SLC6A3: variants seen among roughly 807,000 people sequenced by gnomAD.
The protein encoded by SLC6A3 is solute carrier family 6 member 3.
Under a neutral mutation model 70.4 loss-of-function variants are expected in SLC6A3, and 19 were observed. The ratio of observed to expected loss-of-function variants is 0.27; its 90% CI spans 0.19 to 0.40. The LOEUF is 0.40. SLC6A3 is among the 10% of genes least tolerant of loss of function. The pLI is 1.00. For missense variants in SLC6A3, 613 were observed against 838.5 expected (o/e 0.73, Z 3.32); for synonymous variants, 368 against 356.6 (o/e 1.03, Z -0.36).
rs560096472 is a variant in SLC6A3, at chr5:1,444,250, C to T, written c.-45-1008G>A. ...TCCTGTCCAAACGGCTACATAAACC[C>T]CCCTGCAACGCTGAGCAGGAGAGCA... On this transcript the variant is annotated intron_variant, in intron 1 of 14. Coordinates refer to ENST00000270349, the MANE Select transcript of SLC6A3 (RefSeq NM_001044.5). Among the ~76,000 whole-genome samples, 313 of 152,268 alleles carry T rather than the reference C, an allele frequency of 2.1e-3. 2 individuals are homozygous for T. The highest frequency in any genetic ancestry group is 7.1e-3 in the African/African-American group (293 of 41,540).
At position 1,394,721 on chromosome 5, in the gene SLC6A3, C is replaced by T. The variant is rs777264160; in HGVS notation, c.*14G>A. ...TTGCAGGATGACTTCCTGGGGTCTTCGTCTCTGCTCCCTCTACACCTTGAG... is the reference window on the plus strand; with the variant it reads ...TTGCAGGATGACTTCCTGGGGTCTTTGTCTCTGCTCCCTCTACACCTTGAG... On this transcript the variant is annotated 3_prime_UTR_variant, in exon 15 of 15. Transcript: ENST00000270349. This position sits in a 1 kb window ranked among gnomAD's most constrained non-coding sequence, Gnocchi z 4.7. 19 of 1,613,738 alleles carry T rather than the reference C, an allele frequency of 1.2e-5. No individual in the cohort carries two copies. Among genetic ancestry groups the T allele is most frequent in the East Asian group, 6.7e-5 (3 of 44,874 alleles).
Position 1,408,356 on chromosome 5 carries a change from G to A in SLC6A3, c.1498+670C>T, listed in dbSNP as rs1275744940. Among the ~76,000 whole-genome samples, 1 of 152,102 alleles carries A rather than the reference G, an allele frequency of 6.6e-6. No homozygotes were observed. Among genetic ancestry groups the A allele is most frequent in the East Asian group, 1.9e-4 (1 of 5,184 alleles). ...CGCGCCCGGACCACACATTCATGGC[G>A]AGATGCCCTGGCTCGGCCTCGCCAC... On this transcript the variant is annotated intron_variant, in intron 11 of 14. Coordinates refer to ENST00000270349, the MANE Select transcript of SLC6A3 (RefSeq NM_001044.5). This position sits in a 1 kb window ranked among gnomAD's most constrained non-coding sequence, Gnocchi z 6.4.
rs993843815 is a variant in SLC6A3, at chr5:1,421,168, A to C, written c.793-465T>G. On this transcript the variant is annotated intron_variant, in intron 5 of 14. Transcript: ENST00000270349. This position sits in a 1 kb window ranked among gnomAD's most constrained non-coding sequence, Gnocchi z 7.2. ...GGTCAAAACTGGTTTTGGCCCATAT[A>C]ACAACCAAAGTTTTTTTTTTTTTTT... Among the ~76,000 whole-genome samples, 2 of 148,860 alleles carry C rather than the reference A, an allele frequency of 1.3e-5. No individual in the cohort carries two copies. The highest frequency in any genetic ancestry group is 4.9e-5 in the African/African-American group (2 of 40,834).
intron 10 of SLC6A3, 42 bp downstream of exon 10, chr5:1,409,679 G>C (rs765376473): frequency 6.2e-7 from 1 of 1,611,588 alleles, no homozygotes; most frequent in Non-Finnish European, 8.5e-7. Flanking sequence ...ACGTGCTAAG[G>C]AGACATGACC....
At chr5:1,414,481 G>C (rs1579709509) in intron 8 of SLC6A3, among the ~76,000 whole-genome samples, 1 of 136,992 alleles carries the variant, frequency 7.3e-6, no homozygotes, top group Non-Finnish European at 1.6e-5. Flanking sequence ...TGGGTGGGGG[G>C]CCTGGAGGGT....
chr5:1,420,842 C>T (rs1000142656), intron 5 of SLC6A3, 139 bp from the exon 6 acceptor site: 83 of 871,616 alleles, frequency 9.5e-5, no homozygotes, highest in Non-Finnish European at 1.5e-4. Flanking sequence ...CCTGGGACGC[C>T]AGCTCAGCAA....
intron 4 of SLC6A3, among the ~76,000 whole-genome samples, chr5:1,425,578 A>C (rs953595485): frequency 1.3e-5 from 2 of 152,154 alleles, no homozygotes; most frequent in Admixed American, 6.5e-5. Flanking sequence ...AAACCATAAA[A>C]CTCTTGGAAG....
At chr5:1,419,046 C>T (rs1341553996) in intron 6 of SLC6A3, among the ~76,000 whole-genome samples, 2 of 150,216 alleles carry the variant, frequency 1.3e-5, no homozygotes, top group South Asian at 2.1e-4. Context: ...ACCCATCCAT[C>T]CCATCCATCA....
At chr5:1,424,192 A>G (rs1056704950) in intron 4 of SLC6A3, among the ~76,000 whole-genome samples, 1 of 152,202 alleles carries the variant, frequency 6.6e-6, no homozygotes, top group Admixed American at 6.5e-5. Flanking sequence ...CATCGCCACC[A>G]TTCTCTGCTC....
rs752244008 is a variant in SLC6A3, at chr5:1,397,350, G to A, written c.1840-2592C>T. ...GGAGGCTGAGGCAGGAGAATGGCGCGAACCCGGGAGGCGGAGCTTGCAGTG... is the reference window on the plus strand; with the variant it reads ...GGAGGCTGAGGCAGGAGAATGGCGCAAACCCGGGAGGCGGAGCTTGCAGTG... On this transcript the variant is annotated intron_variant, in intron 14 of 14. Coordinates refer to ENST00000270349, the MANE Select transcript of SLC6A3 (RefSeq NM_001044.5). The surrounding 1 kb of genome is among the most constrained non-coding windows in gnomAD (Gnocchi z 4.7). Among the ~76,000 whole-genome samples the A allele has an allele frequency of 5.9e-5, 9 of 152,226 alleles. No homozygotes were observed. The highest frequency in any genetic ancestry group is 1.4e-4 in the African/African-American group (6 of 41,444).
Position 1,404,371 on chromosome 5 carries a change from G to A in SLC6A3, c.1600-1282C>T, listed in dbSNP as rs28363124. The stretch of plus-strand genomic sequence containing the variant: ...CCCTGAGCATGCTTTAAAGAGCCAC[G>A]CGTGCATCCCTGGACATGTCGGGCT... On this transcript the variant is annotated intron_variant, in intron 12 of 14. Transcript: ENST00000270349. The surrounding 1 kb of genome is among the most constrained non-coding windows in gnomAD (Gnocchi z 5.2). 0.03 allele frequency among the ~76,000 whole-genome samples: 4,560 copies of A among 152,284 alleles called. 234 individuals are homozygous for A. Among genetic ancestry groups the A allele is most frequent in the African/African-American group, 0.1 (4,311 of 41,532 alleles).
In SLC6A3 at chr5:1,409,835, C is replaced by T; in HGVS notation, c.1284G>A (p.Glu428=). The change falls in exon 10 of 15, where the codon GAG becomes GAA. Residue 428 remains glutamate (E), a synonymous_variant. Transcript: ENST00000270349. ...LGIDSAMGGM[E]SVITGLIDEF... is the part of the protein sequence containing the mutation. ...CATCGATGAGCCCGGTGATCACTGA[C>T]TCCATACCACCCATCTGCACACAGA... 1 of 1,613,344 alleles carries T rather than the reference C, an allele frequency of 6.2e-7. No individual in the cohort carries two copies. The highest frequency in any genetic ancestry group is 2.2e-5 in the East Asian group (1 of 44,886).
In SLC6A3 at chr5:1,395,705, C is replaced by T. The variant is rs566443339; in HGVS notation, c.1840-947G>A. Reference sequence around the variant, plus strand: ...GGACCCACAGCCACGGGTGGCCCAGCGGCCAGAGCCCTAGAGCAGAGGCTC... The same window carrying T: ...GGACCCACAGCCACGGGTGGCCCAGTGGCCAGAGCCCTAGAGCAGAGGCTC... On this transcript the variant is annotated intron_variant, in intron 14 of 14. Transcript: ENST00000270349. Among the ~76,000 whole-genome samples the T allele has an allele frequency of 6.6e-5, 10 of 152,338 alleles. No homozygotes were observed. In the South Asian group the frequency reaches 1.4e-3, roughly 22 times the overall value.
Position 1,405,534 on chromosome 5 carries a change from T to C in SLC6A3, c.1599+654A>G, listed in dbSNP as rs2126330281. On this transcript the variant is annotated intron_variant, in intron 12 of 14. Coordinates refer to ENST00000270349, the MANE Select transcript of SLC6A3 (RefSeq NM_001044.5). This position sits in a 1 kb window ranked among gnomAD's most constrained non-coding sequence, Gnocchi z 5.3. The stretch of plus-strand genomic sequence containing the variant: ...ACAGCTCTTAGGTTGCCTGCCCAGA[T>C]CAGGCAGCACAGCTTTGCTTTGTGA... Among the ~76,000 whole-genome samples, 1 of 152,358 alleles carries C rather than the reference T, an allele frequency of 6.6e-6. No individual in the cohort carries two copies. Among genetic ancestry groups the C allele is most frequent in the Admixed American group, 6.5e-5 (1 of 15,312 alleles).
rs1451203456 is a variant in SLC6A3, at chr5:1,406,367, T to C, written c.1499-79A>G. 8.0e-7 allele frequency: 1 copy of C among 1,252,438 alleles called. No homozygotes were observed. Among genetic ancestry groups the C allele is most frequent in the Non-Finnish European group, 1.2e-6 (1 of 851,822 alleles). The allele number at this position is 1,252,438 out of a possible 1,614,324, so 77.6% of individuals were successfully genotyped here. The stretch of plus-strand genomic sequence containing the variant: ...GCTGGACACGTGTGGGGGTCCTCGC[T>C]GACTCCCAAGGGCCCCACCTACCGG... On this transcript the variant is annotated intron_variant, in intron 11 of 14. Coordinates refer to ENST00000270349, the MANE Select transcript of SLC6A3 (RefSeq NM_001044.5). This position sits in a 1 kb window ranked among gnomAD's most constrained non-coding sequence, Gnocchi z 8.8.
Position 1,443,240 on chromosome 5 carries a change from G to C in SLC6A3, c.-43C>G. The C allele has an allele frequency of 1.2e-6, 2 of 1,604,468 alleles. No homozygotes were observed. The highest frequency in any genetic ancestry group is 1.7e-6 in the Non-Finnish European group (2 of 1,171,954). On this transcript the variant is annotated splice_region_variant and 5_prime_UTR_variant, in exon 2 of 15. Transcript: ENST00000270349. ...AGGAATTCTGTGCTTCTTCCCTCTT[G>C]GTCTTCAGCCAATATGAAAAATAAA... is the stretch of plus-strand genomic sequence containing the variant.
Position 1,414,745 on chromosome 5 carries a change from G to T in SLC6A3, c.1102C>A (p.Leu368Met). 1.2e-6 allele frequency: 2 copies of T among 1,612,884 alleles called. No individual in the cohort carries two copies. Among genetic ancestry groups the T allele is most frequent in the South Asian group, 1.1e-5 (1 of 91,090 alleles). ...FSSGFVVFSF[L>M]GYMAQKHSVP... ...CTGTGCTTCTGTGCCATGTACCCCAGGAAGGAGAAGACGACGAAGCCGGAG... is the reference window on the plus strand; with the variant it reads ...CTGTGCTTCTGTGCCATGTACCCCATGAAGGAGAAGACGACGAAGCCGGAG... The change falls in exon 8 of 15, where the codon CTG (leucine) becomes ATG (methionine). Residue 368 changes from leucine to methionine, a missense_variant. By Grantham distance (15) the Leu-to-Met change is conservative. Coordinates refer to ENST00000270349, the MANE Select transcript of SLC6A3 (RefSeq NM_001044.5).
intron 1 of SLC6A3, among the ~76,000 whole-genome samples, chr5:1,444,473 C>CGGTGCGTTGTGTGT (rs1445015551): frequency 6.5e-4 from 99 of 152,076 alleles, no homozygotes; most frequent in African/African-American, 2.3e-3. Flanking sequence ...CGCACACACA[C>CGGTGCGTTGTGTGT]ACAACGACTG....
intron 7 of SLC6A3, among the ~76,000 whole-genome samples, chr5:1,415,566 A>T (rs1756270119): frequency 6.6e-6 from 1 of 152,222 alleles, no homozygotes; most frequent in African/African-American, 2.4e-5. Context: ...TGTGAAAGAA[A>T]GTAAGCACAA....
Sources: allele counts gnomAD v4.1 joint callset (sites outside exome capture counted in the v4.1 genomes callset), GRCh38; gene constraint gnomAD v4.1.1; non-coding constraint Gnocchi (gnomAD v3.1); transcripts MANE v1.5; gene names NCBI Gene and HGNC (gene_info 2026-07-23, HGNC 2026-07-21).